Variants in SLC35D2 observed in about 807,000 individuals in gnomAD.
SLC35D2 encodes solute carrier family 35 member D2.
SLC35D2 carries 43 observed loss-of-function variants against 41.8 expected under a neutral mutation model. That is an observed-to-expected ratio of 1.03 (90% confidence interval 0.81 to 1.33). The LOEUF is 1.33. SLC35D2 is among the 40% of genes most tolerant of loss of function. SLC35D2 has a pLI of 0.00. For synonymous variants in SLC35D2, 150 were observed against 163.9 expected, an observed-to-expected ratio of 0.92 and a Z score of 0.65; for missense variants, 380 against 408.4, an observed-to-expected ratio of 0.93 and a Z score of 0.60.
At chr9:96,332,762 C>T (rs549637009) in intron 9 of SLC35D2, among the ~76,000 whole-genome samples, 85 of 151,822 alleles carry the variant, frequency 5.6e-4, no homozygotes, top group Non-Finnish European at 1.0e-3. Flanking sequence ...CTGGGTGACA[C>T]AGCGAGACTC....
chr9:96,357,007 C>T (rs1450058648), intron 4 of SLC35D2, among the ~76,000 whole-genome samples: 1 of 151,948 alleles, frequency 6.6e-6, no homozygotes, highest in Non-Finnish European at 1.5e-5. Context: ...GGAGAAACCC[C>T]GTCTCTACTA....
chr9:96,365,775 A>G (rs575531822), intron 2 of SLC35D2, among the ~76,000 whole-genome samples: 1 of 152,348 alleles, frequency 6.6e-6, no homozygotes, highest in Non-Finnish European at 1.5e-5. Context: ...GAAATACTCC[A>G]TATCATTATT....
At chr9:96,374,532 CAA>C (rs35986252) in intron 1 of SLC35D2, among the ~76,000 whole-genome samples, 20 of 82,330 alleles carry the variant, frequency 2.4e-4, no homozygotes, top group Admixed American at 4.5e-4. Context: ...GACTCCGTCT[CAA>C]AAAAAAAAAA....
rs1564101579 is a variant in SLC35D2 at position 96,344,145 on chromosome 9, T to C, written c.592-149A>G. ...GAATATTTTCAGCAAATTTCTGACA[T>C]AAAATGCTTTGGTTTGAGGGTACTG... is the stretch of plus-strand genomic sequence containing the variant. On this transcript the variant is annotated intron_variant, in intron 7 of 11. Coordinates refer to ENST00000253270, the MANE Select transcript of SLC35D2 (RefSeq NM_007001.3). 1.7e-5 allele frequency: 9 copies of C among 528,186 alleles called. No individual in the cohort carries two copies. The East Asian group carries it at 1.7e-4, about 10-fold the overall frequency. The allele number at this position is 528,186 out of a possible 1,614,324, so 32.7% of individuals were successfully genotyped here.
chr9:96,319,504 T>G (rs1024401598), downstream of SLC35D2, among the ~76,000 whole-genome samples: 2 of 103,438 alleles, frequency 1.9e-5, no homozygotes, highest in Admixed American at 2.0e-4. Context: ...TTACCACAAT[T>G]TAAAAAAAAA....
At chr9:96,356,382 CTTTTT>C (rs199569097) in intron 4 of SLC35D2, among the ~76,000 whole-genome samples, 5 of 101,434 alleles carry the variant, frequency 4.9e-5, no homozygotes, top group South Asian at 6.9e-4. Context: ...TTTATTTATT[CTTTTT>C]TTTTTTTTTT....
chr9:96,373,774 C>A (rs930362742), intron 1 of SLC35D2, among the ~76,000 whole-genome samples: 1 of 152,062 alleles, frequency 6.6e-6, no homozygotes, highest in Non-Finnish European at 1.5e-5. Context: ...GTGTCCCAGG[C>A]TGCAATCTTC....
At chr9:96,374,633 GACC>G (rs1830857848) in intron 1 of SLC35D2, among the ~76,000 whole-genome samples, 1 of 150,826 alleles carries the variant, frequency 6.6e-6, no homozygotes, top group Admixed American at 6.6e-5. Context: ...AGGAGATGGA[GACC>G]ATCCTAGCTA....
chr9:96,363,792 A>G (rs894753465), intron 3 of SLC35D2, among the ~76,000 whole-genome samples: 11 of 152,212 alleles, frequency 7.2e-5, no homozygotes, highest in African/African-American at 2.7e-4. Flanking sequence ...ATGGACATCA[A>G]CCCATTTAAA....
intron 1 of SLC35D2, 125 bp downstream of exon 1, chr9:96,383,352 T>C (rs376872628): frequency 6.7e-6 from 4 of 595,608 alleles, no homozygotes; most frequent in Admixed American, 4.4e-5. Context: ...ACTCGACCAA[T>C]GTGCCCAGCT....
intron 1 of SLC35D2, among the ~76,000 whole-genome samples, chr9:96,382,159 G>C (rs1831221111): frequency 6.6e-6 from 1 of 151,938 alleles, no homozygotes; most frequent in Admixed American, 6.6e-5. Flanking sequence ...GCTTATGTGG[G>C]CCTCAGTTTT....
chr9:96,350,018 G>A (rs1177514872), intron 6 of SLC35D2, among the ~76,000 whole-genome samples: 1 of 152,128 alleles, frequency 6.6e-6, no homozygotes, highest in Non-Finnish European at 1.5e-5. Context: ...CTATACCTGC[G>A]GTGTGAATTG....
chr9:96,354,993 G>A (rs1275027892), intron 4 of SLC35D2, among the ~76,000 whole-genome samples: 2 of 150,724 alleles, frequency 1.3e-5, no homozygotes, highest in Non-Finnish European at 3.0e-5. Flanking sequence ...AGGCCAAGAG[G>A]TTGAGAGCAG....
chr9:96,335,940 C>G (rs1829031582), intron 9 of SLC35D2, among the ~76,000 whole-genome samples: 1 of 151,476 alleles, frequency 6.6e-6, no homozygotes, highest in Admixed American at 6.6e-5. Flanking sequence ...GTAATCCCAG[C>G]TACTCGGGAG....
chr9:96,329,921 C>T (rs1828732107), intron 9 of SLC35D2, among the ~76,000 whole-genome samples: 1 of 152,210 alleles, frequency 6.6e-6, no homozygotes, highest in South Asian at 2.1e-4. Flanking sequence ...GGGGAATTGG[C>T]TCCCACAATT....
intron 1 of SLC35D2, among the ~76,000 whole-genome samples, chr9:96,382,281 C>T (rs1031622426): frequency 2.0e-5 from 3 of 151,524 alleles, no homozygotes; most frequent in Admixed American, 6.6e-5. Context: ...ACACTGAGAC[C>T]CCACCTCTAC....
At chr9:96,380,821 T>C (rs1831171007) in intron 1 of SLC35D2, among the ~76,000 whole-genome samples, 1 of 152,056 alleles carries the variant, frequency 6.6e-6, no homozygotes, top group African/African-American at 2.4e-5. Flanking sequence ...TTCATTAGCT[T>C]CCATGTCAAA....
chr9:96,362,522 A>G (rs1830317699), intron 3 of SLC35D2, among the ~76,000 whole-genome samples: 1 of 152,124 alleles, frequency 6.6e-6, no homozygotes, highest in Non-Finnish European at 1.5e-5. Context: ...AAGAAAAAAA[A>G]AAAGAATTTA....
chr9:96,370,300 C>T (rs1830626007), intron 1 of SLC35D2, among the ~76,000 whole-genome samples: 2 of 152,166 alleles, frequency 1.3e-5, no homozygotes, highest in Admixed American at 1.3e-4. Context: ...TCTGAGAATA[C>T]AACCTGTAAC....
Sources: allele counts gnomAD v4.1 joint callset (sites outside exome capture counted in the v4.1 genomes callset), GRCh38; gene constraint gnomAD v4.1.1; transcripts MANE v1.5; gene names NCBI Gene and HGNC (gene_info 2026-07-23, HGNC 2026-07-21).